USP10: variants seen among roughly 807,000 people sequenced by gnomAD.
The protein encoded by USP10 is ubiquitin carboxyl-terminal hydrolase 10.
Under a neutral mutation model 84.5 loss-of-function variants are expected in USP10, and 22 were observed. The ratio of observed to expected loss-of-function variants is 0.26; its 90% confidence interval spans 0.19 to 0.37. The LOEUF (loss-of-function observed/expected upper bound fraction) is 0.37. USP10 is among the 10% of genes least tolerant of loss of function. USP10 has a pLI of 1.00. For missense variants in USP10, 1,019 were observed against 998.9 expected (o/e 1.02, Z -0.27); for synonymous variants, 454 against 387.6 (o/e 1.17, Z -2.01).
At chr16:84,726,222 C>T (rs953204381) in intron 1 of USP10, among the ~76,000 whole-genome samples, 2 of 152,196 alleles carry the variant, frequency 1.3e-5, no homozygotes, top group Admixed American at 6.5e-5. Context: ...CCCCTAGTGC[C>T]GTGCTGTACT....
intron 2 of USP10, among the ~76,000 whole-genome samples, chr16:84,736,035 C>G (rs1275546473): frequency 6.8e-6 from 1 of 147,224 alleles, no homozygotes; most frequent in Non-Finnish European, 1.5e-5. Flanking sequence ...GGGCGTGTCA[C>G]TTGGACCTGT....
At chr16:84,770,818 A>C (rs536506356) in intron 11 of USP10, among the ~76,000 whole-genome samples, 1 of 151,698 alleles carries the variant, frequency 6.6e-6, no homozygotes, top group East Asian at 1.9e-4. Context: ...CTGTAATCCC[A>C]GCATTTTCGG....
intron 4 of USP10, among the ~76,000 whole-genome samples, chr16:84,748,331 TCTCA>T (rs1911496972): frequency 6.6e-6 from 1 of 151,810 alleles, no homozygotes; most frequent in Non-Finnish European, 1.5e-5. Context: ...TGAGAGGGGG[TCTCA>T]CTCTGTCGCC....
At chr16:84,776,932 C>T (rs1374515989) in intron 13 of USP10, among the ~76,000 whole-genome samples, 2 of 152,212 alleles carry the variant, frequency 1.3e-5, no homozygotes, top group South Asian at 2.1e-4. Flanking sequence ...TGTGCCTCAG[C>T]CCCCCGAGTA....
At chr16:84,765,224 C>G (rs1176967826) in intron 10 of USP10, among the ~76,000 whole-genome samples, 1 of 147,994 alleles carries the variant, frequency 6.8e-6, no homozygotes, top group Non-Finnish European at 1.5e-5. Context: ...TACAGTGAAG[C>G]AGATAAACAT....
At chr16:84,773,555 G>T (rs1177237123) in intron 12 of USP10, among the ~76,000 whole-genome samples, 1 of 152,212 alleles carries the variant, frequency 6.6e-6, no homozygotes, top group African/African-American at 2.4e-5. Context: ...CTCAGACACT[G>T]TCTCTCCCAG....
At chr16:84,701,983 G>A (rs1292079031) in intron 1 of USP10, among the ~76,000 whole-genome samples, 1 of 142,210 alleles carries the variant, frequency 7.0e-6, no homozygotes, top group Non-Finnish European at 1.5e-5. Context: ...TGTTGCCCAG[G>A]CTGGAGTGCT....
At chr16:84,778,739 A>G (rs1567659756) in intron 13 of USP10, among the ~76,000 whole-genome samples, 156 bp from the exon 14 acceptor site, 1 of 152,218 alleles carries the variant, frequency 6.6e-6, no homozygotes, top group Non-Finnish European at 1.5e-5. Context: ...TTGAGTTGAA[A>G]TAGCATTGGT....
chr16:84,755,002 A>G (rs57475196), intron 4 of USP10, among the ~76,000 whole-genome samples: 43,982 of 148,632 alleles, frequency 0.3, 7,655 homozygotes, highest in Non-Finnish European at 0.41. Context: ...AAAAAAAAAA[A>G]GGAGCTGTGT....
chr16:84,758,571 A>G lies in USP10; in HGVS notation c.1193-145A>G, dbSNP rs1912849495. On this transcript the variant is annotated intron_variant, in intron 4 of 13. Coordinates refer to ENST00000219473, the MANE Select transcript of USP10 (RefSeq NM_005153.3). ...AATGTACTTGATGTTGAACTGAATG[A>G]AGCCTTAACAGTATGCATTTTCTTT... 8.1e-6 allele frequency: 5 copies of G among 618,206 alleles called. No homozygotes were observed. In the African/African-American group the frequency reaches 9.1e-5, roughly 11 times the overall value. 38.3% of individuals were successfully genotyped at this position (618,206 alleles called of 1,614,324 possible).
intron 1 of USP10, among the ~76,000 whole-genome samples, chr16:84,700,453 C>T (rs1211242481): frequency 1.3e-5 from 2 of 152,002 alleles, no homozygotes; most frequent in East Asian, 3.9e-4. Flanking sequence ...CCCGCCGCGC[C>T]GGCCGGGGGA....
intron 11 of USP10, 37 bp downstream of exon 11, chr16:84,768,395 G>A (rs761988726): frequency 6.0e-6 from 9 of 1,506,048 alleles, no homozygotes; most frequent in Non-Finnish European, 6.3e-6. Context: ...TTCTACTAAG[G>A]TGCTCTGGTT....
chr16:84,700,182 G>C, intron 1 of USP10, 71 bp downstream of exon 1: 1 of 1,147,520 alleles, frequency 8.7e-7, no homozygotes, highest in South Asian at 3.1e-5. Flanking sequence ...CGGCGGGCGG[G>C]CGTCCGCGCC....
At chr16:84,760,101 A>T (rs1250823174) in intron 7 of USP10, 71 bp from the exon 8 acceptor site, 1 of 1,533,828 alleles carries the variant, frequency 6.5e-7, no homozygotes, top group Non-Finnish European at 8.9e-7. Context: ...GGGAGTTTTG[A>T]TGATGTTGCT....
At chr16:84,775,432 A>G (rs546519738) in intron 13 of USP10, among the ~76,000 whole-genome samples, 20 of 152,316 alleles carry the variant, frequency 1.3e-4, no homozygotes, top group African/African-American at 4.6e-4. Flanking sequence ...AGGACAGATA[A>G]CAGAAGACCT....
chr16:84,716,840 T>A (rs1267938399), intron 1 of USP10, among the ~76,000 whole-genome samples: 1 of 152,208 alleles, frequency 6.6e-6, no homozygotes, highest in Non-Finnish European at 1.5e-5. Context: ...TGGTCTAAAC[T>A]TATCCCAGCA....
chr16:84,720,795 G>C (rs998565069), intron 1 of USP10, among the ~76,000 whole-genome samples: 1 of 150,992 alleles, frequency 6.6e-6, no homozygotes, highest in African/African-American at 2.4e-5. Context: ...TATTAGCGGG[G>C]ATGGTCTCGA....
intron 1 of USP10, among the ~76,000 whole-genome samples, chr16:84,725,388 TTTTCTC>T (rs1908322358): frequency 6.6e-6 from 1 of 152,184 alleles, no homozygotes; most frequent in Admixed American, 6.6e-5. Flanking sequence ...TTCTTTTTCT[TTTTCTC>T]TTTCTTTTCT....
chr16:84,735,596 T>C (rs1051355531), intron 2 of USP10, among the ~76,000 whole-genome samples: 5 of 152,176 alleles, frequency 3.3e-5, no homozygotes, highest in Admixed American at 2.0e-4. Flanking sequence ...AATCAGCTAA[T>C]GTATGGTCCG....
Sources: allele counts gnomAD v4.1 joint callset (sites outside exome capture counted in the v4.1 genomes callset), GRCh38; gene constraint gnomAD v4.1.1; transcripts MANE v1.5; gene names NCBI Gene and HGNC (gene_info 2026-07-23, HGNC 2026-07-21).